MSI2: variants seen among roughly 807,000 people sequenced by gnomAD.
The protein encoded by MSI2 is musashi RNA binding protein 2.
Under a neutral mutation model 45.6 loss-of-function variants are expected in MSI2, and 17 were observed. That is an observed-to-expected ratio of 0.37 (90% CI 0.26 to 0.56). The LOEUF is 0.56. Among genes scored for constraint, MSI2 ranks in the 20% least tolerant of loss-of-function variants. The probability of loss-of-function intolerance (pLI) is 0.77; values close to 1 mark genes in which losing one functional copy is unlikely to be tolerated. For missense variants in MSI2, 293 were observed against 444.2 expected, an observed-to-expected ratio of 0.66 and a Z score of 3.06; for synonymous variants, 156 against 158.2, an observed-to-expected ratio of 0.99 and a Z score of 0.11.
intron 6 of MSI2, among the ~76,000 whole-genome samples, chr17:57,456,458 T>C (rs1344501685): frequency 6.6e-6 from 1 of 152,102 alleles, no homozygotes; most frequent in East Asian, 1.9e-4. Context: ...TAGTGGGGCG[T>C]GGTGGCAGGC....
At chr17:57,323,856 C>T (rs1006215808) in intron 5 of MSI2, among the ~76,000 whole-genome samples, 11 of 152,230 alleles carry the variant, frequency 7.2e-5, no homozygotes, top group African/African-American at 2.2e-4. Context: ...CATTATTTCC[C>T]CATCACCCTC....
chr17:57,549,462 G>A (rs996182907), intron 7 of MSI2, among the ~76,000 whole-genome samples: 1 of 152,142 alleles, frequency 6.6e-6, no homozygotes, highest in African/African-American at 2.4e-5. Context: ...CCATGACCCT[G>A]TTGTTGTGAT....
At chr17:57,520,179 A>G (rs530526604) in intron 6 of MSI2, among the ~76,000 whole-genome samples, 2 of 152,366 alleles carry the variant, frequency 1.3e-5, no homozygotes, top group African/African-American at 4.8e-5. Context: ...GGTAGTTATT[A>G]TAACAATCAT....
At chr17:57,364,682 C>G (rs985728597) in intron 5 of MSI2, among the ~76,000 whole-genome samples, 3 of 152,118 alleles carry the variant, frequency 2.0e-5, no homozygotes, top group African/African-American at 7.2e-5. Flanking sequence ...AGCAACCCAG[C>G]TCCCCCAGAT....
chr17:57,458,834 G>A (rs2085168242), intron 6 of MSI2, among the ~76,000 whole-genome samples: 1 of 152,246 alleles, frequency 6.6e-6, no homozygotes, highest in African/African-American at 2.4e-5. Flanking sequence ...GGTGCCCTGT[G>A]CAGGCCGTGG....
chr17:57,350,225 G>GGTGT lies in MSI2; in HGVS notation c.313-51127_313-51124dup, dbSNP rs58596259. Among the ~76,000 whole-genome samples, 474 of 146,736 alleles carry GGTGT rather than the reference G, an allele frequency of 3.2e-3. 1 individual carries two copies. Among genetic ancestry groups the GGTGT allele is most frequent in the Non-Finnish European group, 4.1e-3 (272 of 66,770 alleles). ...TATTGTTAACAGTGCCAGAGGTAGGGGTGTGTGTGTGTGTGTGTGTGTGTG... is the reference window on the plus strand; with the variant it reads ...TATTGTTAACAGTGCCAGAGGTAGGGGTGTGTGTGTGTGTGTGTGTGTGTGTGTG... On this transcript the variant is annotated intron_variant, in intron 5 of 13. Transcript: ENST00000284073.
In MSI2 at chr17:57,280,386, C is replaced by T. The variant is rs924903698; in HGVS notation, c.312+18194C>T. Among the ~76,000 whole-genome samples the T allele has an allele frequency of 6.6e-6, 1 of 152,118 alleles. No homozygotes were observed. Among genetic ancestry groups the T allele is most frequent in the Non-Finnish European group, 1.5e-5 (1 of 68,018 alleles). On this transcript the variant is annotated intron_variant, in intron 5 of 13. Transcript: ENST00000284073. This position sits in a 1 kb window ranked among gnomAD's most constrained non-coding sequence, Gnocchi z 4.2. ...GTGAGTAAGTTGTTGTGGTGATCCACTTGAGGAAGGATGGCTGCTTAGCTG... is the reference window on the plus strand; with the variant it reads ...GTGAGTAAGTTGTTGTGGTGATCCATTTGAGGAAGGATGGCTGCTTAGCTG...
chr17:57,598,437 A>T (rs1251011855), intron 8 of MSI2, among the ~76,000 whole-genome samples: 2 of 152,222 alleles, frequency 1.3e-5, no homozygotes, highest in Non-Finnish European at 2.9e-5. Context: ...TTCCCAGGGC[A>T]CTAAAATAAT....
intron 5 of MSI2, among the ~76,000 whole-genome samples, chr17:57,398,641 CATTT>C (rs1292958635): frequency 6.6e-6 from 1 of 152,108 alleles, no homozygotes; most frequent in African/African-American, 2.4e-5. Flanking sequence ...TTACAGTGAC[CATTT>C]ATTTAGCGAC....
At chr17:57,323,637 C>G (rs1480051119) in intron 5 of MSI2, among the ~76,000 whole-genome samples, 1 of 152,276 alleles carries the variant, frequency 6.6e-6, no homozygotes, top group African/African-American at 2.4e-5. Context: ...CGTGGAGGAG[C>G]AGTTGCCTAG....
At chr17:57,382,231 CAGAA>C (rs2144031906) in intron 5 of MSI2, among the ~76,000 whole-genome samples, 1 of 152,228 alleles carries the variant, frequency 6.6e-6, no homozygotes, top group African/African-American at 2.4e-5. Context: ...AATTCCTGAC[CAGAA>C]AGCTTACTTT....
At chr17:57,475,868 AT>A (rs1354474910) in intron 6 of MSI2, among the ~76,000 whole-genome samples, 1 of 152,136 alleles carries the variant, frequency 6.6e-6, no homozygotes, top group African/African-American at 2.4e-5. Context: ...AACTCCAAGA[AT>A]GCATTTCAAA....
In MSI2 at chr17:57,682,317, T is replaced by TCCCCCCCC. The variant is rs397856811; in HGVS notation, c.*2805_*2812dup. 116 of 119,374 alleles carry TCCCCCCCC rather than the reference T, an allele frequency of 9.7e-4. No individual in the cohort carries two copies. Among genetic ancestry groups the TCCCCCCCC allele is most frequent in the Admixed American group, 1.1e-3 (10 of 9,242 alleles). The allele number at this position is 119,374 out of a possible 1,614,324, so 7.4% of individuals were successfully genotyped here. On this transcript the variant is annotated 3_prime_UTR_variant, in exon 14 of 14. Transcript: ENST00000284073. ...GGCGGACTCTACGGCGTTTTGTAGA[T>TCCCCCCCC]CCCCCCCCCCCCACCCACTGTGAAG...
intron 11 of MSI2, among the ~76,000 whole-genome samples, chr17:57,653,836 C>T (rs1410264844): frequency 6.6e-6 from 1 of 152,080 alleles, no homozygotes; most frequent in Admixed American, 6.5e-5. Flanking sequence ...ACGGTCTGTG[C>T]CCCCTTCTGC....
At chr17:57,581,233 G>A (rs990070126) in intron 7 of MSI2, among the ~76,000 whole-genome samples, 9 of 151,962 alleles carry the variant, frequency 5.9e-5, no homozygotes, top group African/African-American at 2.2e-4. Flanking sequence ...GGCTGGTCTT[G>A]AACTCCTGGC....
intron 6 of MSI2, among the ~76,000 whole-genome samples, chr17:57,474,233 CTCA>C (rs758126009): frequency 6.6e-5 from 10 of 152,106 alleles, no homozygotes; most frequent in Non-Finnish European, 1.2e-4. Context: ...TCTAGACGTG[CTCA>C]TTTATTCAGC....
chr17:57,643,540 C>T (rs561656466), intron 10 of MSI2, among the ~76,000 whole-genome samples: 10 of 152,330 alleles, frequency 6.6e-5, no homozygotes, highest in Admixed American at 2.6e-4. Flanking sequence ...CAGACACACA[C>T]CTTCCGCTCC....
At chr17:57,477,097 T>C (rs992560531) in intron 6 of MSI2, among the ~76,000 whole-genome samples, 2 of 150,466 alleles carry the variant, frequency 1.3e-5, no homozygotes, top group Non-Finnish European at 2.9e-5. Context: ...CAGGGTAGGG[T>C]CAAAAGATGA....
chr17:57,315,766 ACTT>A (rs1290243381), intron 5 of MSI2, among the ~76,000 whole-genome samples: 1 of 152,076 alleles, frequency 6.6e-6, no homozygotes, highest in Non-Finnish European at 1.5e-5. Flanking sequence ...TCCTTGGGAG[ACTT>A]CTTCCGTGGA....
Sources: gnomAD v4.1 joint callset for allele counts (sites outside exome capture counted in the v4.1 genomes callset) on GRCh38, gnomAD v4.1.1 for gene constraint, Gnocchi (gnomAD v3.1) non-coding constraint, MANE v1.5 for transcripts, NCBI Gene and HGNC (gene_info 2026-07-23, HGNC 2026-07-21) for gene names.